The following SPECC1 variants were observed in gnomAD, a reference collection of about 807,000 sequenced individuals.
SPECC1 encodes sperm antigen with calponin homology and coiled-coil domains 1, also known as cytospin-B.
Under a neutral mutation model 104.1 loss-of-function variants are expected in SPECC1, and 62 were observed. That is an observed-to-expected ratio of 0.60 (90% CI 0.49 to 0.74). The LOEUF (loss-of-function observed/expected upper bound fraction) is 0.74, where lower values mean the gene tolerates loss of function less well. Among genes scored for constraint, SPECC1 ranks in the 30% least tolerant of loss-of-function variants. SPECC1 has a pLI of 0.00. For missense variants in SPECC1, 1,306 were observed against 1,310.5 expected (o/e 1.00, Z 0.05); for synonymous variants, 513 against 501.6 (o/e 1.02, Z -0.30).
chr17:20,128,019 A>G (rs1225611421), intron 3 of SPECC1, among the ~76,000 whole-genome samples: 1 of 152,344 alleles, frequency 6.6e-6, no homozygotes, highest in Non-Finnish European at 1.5e-5. Context: ...CATTACTGAA[A>G]AAAATCAATA....
In SPECC1 at chr17:20,181,613, A is replaced by C. The variant is rs556653777; in HGVS notation, c.284-22720A>C. ...TTTTGGTATTGATGCAATAAGGCAA[A>C]AACATTTTTTGTTTTAAATACTGAA... On this transcript the variant is annotated intron_variant, in intron 3 of 14. Transcript: ENST00000395527. 1.6e-3 allele frequency among the ~76,000 whole-genome samples: 246 copies of C among 152,288 alleles called. 1 individual carries two copies. Among genetic ancestry groups the C allele is most frequent in the African/African-American group, 5.8e-3 (240 of 41,576 alleles).
chr17:20,051,081 T>G (rs989796783), intron 1 of SPECC1, among the ~76,000 whole-genome samples: 1 of 56,038 alleles, frequency 1.8e-5, no homozygotes, highest in South Asian at 8.1e-4. Context: ...TCTTTCTTTC[T>G]TTCTTTCTTT....
At chr17:20,033,094 G>T (rs566132355) in intron 1 of SPECC1, among the ~76,000 whole-genome samples, 72 of 151,874 alleles carry the variant, frequency 4.7e-4, no homozygotes, top group Middle Eastern at 3.4e-3. Context: ...CTCCCGAGTA[G>T]CTGGGATTAC....
intron 1 of SPECC1, among the ~76,000 whole-genome samples, chr17:20,076,770 A>G (rs2046775015): frequency 1.3e-5 from 2 of 152,212 alleles, no homozygotes; most frequent in African/African-American, 4.8e-5. Context: ...ATTACTTTAT[A>G]TCAACACAGT....
At chr17:20,177,707 T>C (rs1048912788) in intron 3 of SPECC1, among the ~76,000 whole-genome samples, 2 of 152,216 alleles carry the variant, frequency 1.3e-5, no homozygotes, top group African/African-American at 4.8e-5. Context: ...TTGTATTTTA[T>C]TTTATTTATT....
intron 3 of SPECC1, among the ~76,000 whole-genome samples, chr17:20,165,363 C>T (rs947902490): frequency 1.3e-5 from 2 of 152,190 alleles, no homozygotes; most frequent in African/African-American, 2.4e-5. Flanking sequence ...CAGCTCCATC[C>T]GTGTCCCTGC....
At chr17:20,156,888 G>T (rs1379153477) in intron 3 of SPECC1, among the ~76,000 whole-genome samples, 3 of 152,030 alleles carry the variant, frequency 2.0e-5, no homozygotes, top group Non-Finnish European at 2.9e-5. Flanking sequence ...AAACATTTCT[G>T]GACTGTCACG....
chr17:20,314,684 T>TCCCCC lies in SPECC1; in HGVS notation c.*619_*620insCCCCC, dbSNP rs2042013175. 9.1e-6 allele frequency: 1 copy of TCCCCC among 110,478 alleles called. No homozygotes were observed. Among genetic ancestry groups the TCCCCC allele is most frequent in the African/African-American group, 7.3e-5 (1 of 13,666 alleles). 6.8% of individuals were successfully genotyped at this position (110,478 alleles called of 1,614,324 possible). On this transcript the variant is annotated 3_prime_UTR_variant, in exon 15 of 15. Coordinates refer to ENST00000395527, the MANE Select transcript of SPECC1 (RefSeq NM_001243439.2). ...AAACTTTGCCCTTGTGAACCCTCCC[T>TCCCCC]TCCCCCCTCCCCCCCCAAAAAAAAA... is the stretch of plus-strand genomic sequence containing the variant.
At chr17:20,303,349 C>T (rs2041654824) in intron 13 of SPECC1, among the ~76,000 whole-genome samples, 1 of 152,198 alleles carries the variant, frequency 6.6e-6, no homozygotes, top group Non-Finnish European at 1.5e-5. Flanking sequence ...TGTGCAGTTT[C>T]CAGCCCATGC....
At chr17:20,024,678 G>A (rs2044530821) in intron 1 of SPECC1, among the ~76,000 whole-genome samples, 1 of 152,194 alleles carries the variant, frequency 6.6e-6, no homozygotes, top group Admixed American at 6.5e-5. Flanking sequence ...GGAGAAGTCA[G>A]GGTTTTTCCC....
intron 9 of SPECC1, among the ~76,000 whole-genome samples, chr17:20,249,577 A>G (rs2039547400): frequency 6.6e-6 from 1 of 152,230 alleles, no homozygotes; most frequent in African/African-American, 2.4e-5. Flanking sequence ...AATGCTGTCA[A>G]CAAAATAAGT....
In SPECC1 at chr17:20,110,564, T is replaced by G; in HGVS notation, c.283+2T>G. 1 of 1,611,496 alleles carries G rather than the reference T, an allele frequency of 6.2e-7. No homozygotes were observed. The highest frequency in any genetic ancestry group is 8.5e-7 in the Non-Finnish European group (1 of 1,179,112). On this transcript the variant is annotated splice_donor_variant, in intron 3 of 14. Transcript: ENST00000395527. LOFTEE classifies it high-confidence loss of function. Reference sequence around the variant, plus strand: ...AGAGCCGCCTGAGGAGCGGCACAGGTAGGAGGGACCGGGCAGGTGGGCTCG... The same window carrying G: ...AGAGCCGCCTGAGGAGCGGCACAGGGAGGAGGGACCGGGCAGGTGGGCTCG...
rs999407459 is a variant in SPECC1, at chr17:20,318,942, C to G, written c.*4877C>G. On this transcript the variant is annotated 3_prime_UTR_variant, in exon 15 of 15. Transcript: ENST00000395527. ...ACCCAGCACTTTTGGATATGACATG[C>G]TAATTAGATGTATTTAACTATTCAT... 2 of 186,046 alleles carry G rather than the reference C, an allele frequency of 1.1e-5. No individual in the cohort carries two copies. The highest frequency in any genetic ancestry group is 2.3e-5 in the Non-Finnish European group (2 of 88,588). 11.5% of individuals were successfully genotyped at this position (186,046 alleles called of 1,614,324 possible). A position where few individuals can be genotyped will look rare whatever the true frequency, so the allele number is the denominator to read the frequency against.
At chr17:20,154,831 G>C (rs1481095065) in intron 3 of SPECC1, among the ~76,000 whole-genome samples, 1 of 152,170 alleles carries the variant, frequency 6.6e-6, no homozygotes, top group Non-Finnish European at 1.5e-5. Flanking sequence ...GTGCTGAGAT[G>C]TAGGGCTATT....
intron 12 of SPECC1, among the ~76,000 whole-genome samples, chr17:20,294,587 G>A (rs548870707): frequency 1.4e-4 from 21 of 151,898 alleles, no homozygotes; most frequent in African/African-American, 4.6e-4. Context: ...TAGTGATGAC[G>A]GTGGTGGGGA....
At chr17:20,111,181 T>TTA (rs2048473307) in intron 3 of SPECC1, among the ~76,000 whole-genome samples, 3 of 152,234 alleles carry the variant, frequency 2.0e-5, no homozygotes. Context: ...ATAATAACTC[T>TTA]TAAGCTTTCA....
At chr17:20,245,175 GTTTGC>G (rs1484745255) in intron 7 of SPECC1, among the ~76,000 whole-genome samples, 2 of 152,224 alleles carry the variant, frequency 1.3e-5, no homozygotes, top group Non-Finnish European at 1.5e-5. Context: ...GTGTTAAATG[GTTTGC>G]AGAATTGTTG....
intron 12 of SPECC1, among the ~76,000 whole-genome samples, chr17:20,270,466 A>AAC (rs2040369544): frequency 9.0e-6 from 1 of 111,154 alleles, no homozygotes; most frequent in Non-Finnish European, 1.8e-5. Flanking sequence ...AAAAAAAAAA[A>AAC]ACATTAGCCG....
intron 1 of SPECC1, among the ~76,000 whole-genome samples, chr17:20,020,204 A>G (rs959523810): frequency 2.6e-5 from 4 of 152,180 alleles, no homozygotes; most frequent in African/African-American, 9.7e-5. Flanking sequence ...GTGTAATTAA[A>G]TGTTTTAGTT....
Sources: gnomAD v4.1 joint callset for allele counts (sites outside exome capture counted in the v4.1 genomes callset) on GRCh38, gnomAD v4.1.1 for gene constraint, MANE v1.5 for transcripts, NCBI Gene and HGNC (gene_info 2026-07-23, HGNC 2026-07-21) for gene names.